Variants in SPECC1 observed in about 807,000 individuals in gnomAD.
SPECC1 encodes sperm antigen with calponin homology and coiled-coil domains 1, also known as cytospin-B.
Under a neutral mutation model 104.1 loss-of-function variants are expected in SPECC1, and 62 were observed. That is an observed-to-expected ratio of 0.60 (90% CI 0.49 to 0.74). The LOEUF is 0.74. SPECC1 is among the 30% of genes least tolerant of loss of function. The probability of loss-of-function intolerance (pLI) is 0.00; values close to 1 mark genes in which losing one functional copy is unlikely to be tolerated. For synonymous variants in SPECC1, 513 were observed against 501.6 expected (o/e 1.02, Z -0.30); for missense variants, 1,306 against 1,310.5 (o/e 1.00, Z 0.05).
At chr17:20,190,886 C>A (rs916392222) in intron 3 of SPECC1, among the ~76,000 whole-genome samples, 2 of 152,140 alleles carry the variant, frequency 1.3e-5, no homozygotes, top group Non-Finnish European at 2.9e-5. Context: ...TCCCTCCCCC[C>A]AACCCCTGGC....
chr17:20,202,903 A>G (rs1017563651), intron 3 of SPECC1, among the ~76,000 whole-genome samples: 2 of 152,226 alleles, frequency 1.3e-5, no homozygotes, highest in African/African-American at 4.8e-5. Flanking sequence ...ATAGTTTTCT[A>G]TATATTAATT....
At chr17:20,135,927 G>C (rs1247946077) in intron 3 of SPECC1, among the ~76,000 whole-genome samples, 1 of 152,170 alleles carries the variant, frequency 6.6e-6, no homozygotes, top group African/African-American at 2.4e-5. Flanking sequence ...CATCCTGGCT[G>C]TGTGACCTTA....
At position 20,110,413 on chromosome 17, in the gene SPECC1, T is replaced by A; in HGVS notation, c.148-14T>A. 3 of 1,602,010 alleles carry A rather than the reference T, an allele frequency of 1.9e-6. No individual in the cohort carries two copies. The highest frequency in any genetic ancestry group is 2.6e-6 in the Non-Finnish European group (3 of 1,172,752). ...CACCTCTTCATCCTCTCTCTTTCCTTCCAACTCTCTCAGCTCAAGAGGGCC... is the reference window on the plus strand; with the variant it reads ...CACCTCTTCATCCTCTCTCTTTCCTACCAACTCTCTCAGCTCAAGAGGGCC... On this transcript the variant is annotated splice_polypyrimidine_tract_variant and intron_variant, in intron 2 of 14. Coordinates refer to ENST00000395527, the MANE Select transcript of SPECC1 (RefSeq NM_001243439.2).
chr17:20,202,113 A>G (rs2036471573), intron 3 of SPECC1, among the ~76,000 whole-genome samples: 1 of 152,266 alleles, frequency 6.6e-6, no homozygotes, highest in African/African-American at 2.4e-5. Context: ...CATAGTTGAG[A>G]GAAATGTAAA....
intron 3 of SPECC1, among the ~76,000 whole-genome samples, chr17:20,129,203 T>C (rs113070811): frequency 1.3e-5 from 2 of 151,092 alleles, no homozygotes; most frequent in South Asian, 4.2e-4. Context: ...TTTTTTTTTT[T>C]GAGACGGAGT....
chr17:20,227,734 G>A (rs1379129673), intron 5 of SPECC1, 114 bp downstream of exon 5: 5 of 937,686 alleles, frequency 5.3e-6, no homozygotes, highest in Non-Finnish European at 8.0e-6. Context: ...TGACCAACAT[G>A]GTGAAACCCT....
At chr17:20,059,712 A>G (rs564612739) in intron 1 of SPECC1, among the ~76,000 whole-genome samples, 8 of 152,292 alleles carry the variant, frequency 5.3e-5, no homozygotes, top group African/African-American at 1.7e-4. Flanking sequence ...TAGAAAATTT[A>G]AAAAATTAGC....
At chr17:20,146,517 G>A (rs1159856209) in intron 3 of SPECC1, among the ~76,000 whole-genome samples, 2 of 152,316 alleles carry the variant, frequency 1.3e-5, no homozygotes, top group Admixed American at 6.5e-5. Flanking sequence ...AAACATTCAT[G>A]TGCAGGTTTT....
At chr17:20,177,732 C>G (rs1171393234) in intron 3 of SPECC1, among the ~76,000 whole-genome samples, 2 of 152,088 alleles carry the variant, frequency 1.3e-5, no homozygotes, top group East Asian at 3.9e-4. Context: ...TTTTTTGAGA[C>G]AGAGTCTTTC....
intron 13 of SPECC1, 26 bp from the exon 14 acceptor site, chr17:20,305,997 C>G (rs2041750741): frequency 6.2e-7 from 1 of 1,607,518 alleles, no homozygotes; most frequent in African/African-American, 1.3e-5. Flanking sequence ...ATTACTGATT[C>G]CAGTCTCTTT....
At chr17:20,269,146 G>A (rs116796407) in intron 12 of SPECC1, among the ~76,000 whole-genome samples, 2,102 of 152,316 alleles carry the variant, frequency 0.014, 41 homozygotes, top group African/African-American at 0.048. Context: ...TGGCAGCCAT[G>A]TTTTTGCCTC....
At chr17:20,038,549 G>A (rs1362708466) in intron 1 of SPECC1, among the ~76,000 whole-genome samples, 1 of 151,746 alleles carries the variant, frequency 6.6e-6, no homozygotes, top group Admixed American at 6.6e-5. Flanking sequence ...ACAGGCTCCC[G>A]CCACTGCGCT....
intron 8 of SPECC1, among the ~76,000 whole-genome samples, chr17:20,246,409 A>G (rs148658203): frequency 3.3e-3 from 498 of 152,340 alleles, no homozygotes; most frequent in Middle Eastern, 0.01. Context: ...CATGAGAATT[A>G]TGAGGGTCAG....
At chr17:20,285,925 TGCCTCA>T (rs1221858978) in intron 12 of SPECC1, among the ~76,000 whole-genome samples, 1 of 152,012 alleles carries the variant, frequency 6.6e-6, no homozygotes, top group Non-Finnish European at 1.5e-5. Context: ...GTGATTCTCC[TGCCTCA>T]GCCTTCCCAG....
In SPECC1 at chr17:20,110,578, C is replaced by T. The variant is rs1319346031; in HGVS notation, c.283+16C>T. 6.2e-7 allele frequency: 1 copy of T among 1,602,904 alleles called. No individual in the cohort carries two copies. Among genetic ancestry groups the T allele is most frequent in the Non-Finnish European group, 8.5e-7 (1 of 1,174,712 alleles). ...AGCGGCACAGGTAGGAGGGACCGGGCAGGTGGGCTCGGCAGGCCATCAGTC... is the reference window on the plus strand; with the variant it reads ...AGCGGCACAGGTAGGAGGGACCGGGTAGGTGGGCTCGGCAGGCCATCAGTC... On this transcript the variant is annotated intron_variant, in intron 3 of 14. Coordinates refer to ENST00000395527, the MANE Select transcript of SPECC1 (RefSeq NM_001243439.2).
intron 1 of SPECC1, among the ~76,000 whole-genome samples, chr17:20,048,218 C>T (rs865868443): frequency 6.6e-6 from 1 of 151,354 alleles, no homozygotes. Flanking sequence ...ACTGCAAGCT[C>T]CGCTTCCTGG....
intron 12 of SPECC1, among the ~76,000 whole-genome samples, chr17:20,283,009 T>A (rs1382735719): frequency 6.6e-6 from 1 of 151,856 alleles, no homozygotes; most frequent in African/African-American, 2.4e-5. Context: ...TGAGACCCCA[T>A]CTCTAAGAAA....
chr17:20,185,777 GA>G (rs1331683821), intron 3 of SPECC1, among the ~76,000 whole-genome samples: 1 of 152,196 alleles, frequency 6.6e-6, no homozygotes, highest in African/African-American at 2.4e-5. Flanking sequence ...CCATGAACCA[GA>G]AGCATTTGTC....
At chr17:20,212,724 A>G (rs1005647436) in intron 4 of SPECC1, among the ~76,000 whole-genome samples, 20 of 152,364 alleles carry the variant, frequency 1.3e-4, no homozygotes, top group Middle Eastern at 6.8e-3. Context: ...CTTTTAAACT[A>G]TATGTAATTT....
Sources: allele counts gnomAD v4.1 joint callset (sites outside exome capture counted in the v4.1 genomes callset), GRCh38; gene constraint gnomAD v4.1.1; transcripts MANE v1.5; gene names NCBI Gene and HGNC (gene_info 2026-07-23, HGNC 2026-07-21).